PLCB1: variants seen among roughly 807,000 people sequenced by gnomAD.
PLCB1 encodes 1-phosphatidylinositol 4,5-bisphosphate phosphodiesterase beta-1.
In PLCB1, 46 loss-of-function variants were observed where a neutral mutation model predicts 161.8. The observed-to-expected ratio is 0.28, with a 90% CI of 0.22 to 0.36. PLCB1 has a LOEUF of 0.36. Ranked by LOEUF, PLCB1 falls within the 10% of genes least tolerant of loss-of-function variation. The probability of loss-of-function intolerance (pLI) is 1.00; values close to 1 mark genes in which losing one functional copy is unlikely to be tolerated. For missense variants in PLCB1, 1,016 were observed against 1,472.5 expected (o/e 0.69, Z 5.07); for synonymous variants, 517 against 503.7 (o/e 1.03, Z -0.35).
intron 3 of PLCB1, among the ~76,000 whole-genome samples, chr20:8,407,297 C>A (rs1461998412): frequency 2.0e-5 from 3 of 152,002 alleles, no homozygotes; most frequent in Admixed American, 6.6e-5. Flanking sequence ...CGAGTATCTT[C>A]CAAAGAGTAC....
chr20:8,228,510 G>A (rs939718863), intron 2 of PLCB1, among the ~76,000 whole-genome samples: 1 of 151,888 alleles, frequency 6.6e-6, no homozygotes, highest in Non-Finnish European at 1.5e-5. Context: ...TCTGGTTTCT[G>A]TTTTGTTTCG....
intron 10 of PLCB1, among the ~76,000 whole-genome samples, chr20:8,693,203 T>A (rs1378817514): frequency 6.6e-6 from 1 of 152,098 alleles, no homozygotes; most frequent in Non-Finnish European, 1.5e-5. Context: ...ACAGAAAATG[T>A]TTTGGGGAAT....
At chr20:8,537,758 C>T (rs1008823222) in intron 3 of PLCB1, among the ~76,000 whole-genome samples, 5 of 152,152 alleles carry the variant, frequency 3.3e-5, no homozygotes, top group Admixed American at 6.5e-5. Flanking sequence ...TAATTTTCTA[C>T]GGAAATCTAT....
chr20:8,302,575 C>T (rs995321347), intron 2 of PLCB1, among the ~76,000 whole-genome samples: 6 of 152,200 alleles, frequency 3.9e-5, no homozygotes, highest in African/African-American at 1.4e-4. Context: ...AATTTGATAG[C>T]AATGCATTGA....
intron 3 of PLCB1, among the ~76,000 whole-genome samples, chr20:8,389,560 G>A (rs1245820021): frequency 6.6e-6 from 1 of 152,124 alleles, no homozygotes; most frequent in East Asian, 1.9e-4. Flanking sequence ...TTTTATCATT[G>A]CCCCTGTCTG....
chr20:8,132,570 G>A lies in PLCB1; in HGVS notation c.-82G>A, dbSNP rs2122991459. On this transcript the variant is annotated 5_prime_UTR_variant, in exon 1 of 32. Transcript: ENST00000338037. This position sits in a 1 kb window ranked among gnomAD's most constrained non-coding sequence, Gnocchi z 5.2. ...GCCTCCGGAGCAGAGAAAGGAGCCC[G>A]CGCCCCGCGCCCCGCGCCCCGCGCA... 1.2e-5 allele frequency: 10 copies of A among 832,296 alleles called. No homozygotes were observed. In the South Asian group the frequency reaches 2.1e-4, roughly 17 times the overall value. 51.6% of individuals were successfully genotyped at this position (832,296 alleles called of 1,614,324 possible). A position where few individuals can be genotyped will look rare whatever the true frequency, so the allele number is the denominator to read the frequency against.
chr20:8,176,484 C>T (rs572671550), intron 2 of PLCB1, among the ~76,000 whole-genome samples: 5 of 152,204 alleles, frequency 3.3e-5, no homozygotes, highest in Admixed American at 1.3e-4. Context: ...TAGGCACAGG[C>T]GTAGGCAGGG....
At chr20:8,158,445 A>G (rs2051585430) in intron 2 of PLCB1, among the ~76,000 whole-genome samples, 1 of 152,164 alleles carries the variant, frequency 6.6e-6, no homozygotes, top group African/African-American at 2.4e-5. Flanking sequence ...CCCACAACAT[A>G]CGGGAAATCA....
chr20:8,494,982 C>A (rs1422614175), intron 3 of PLCB1, among the ~76,000 whole-genome samples: 1 of 151,978 alleles, frequency 6.6e-6, no homozygotes, highest in Non-Finnish European at 1.5e-5. Context: ...CCCTTTTCCC[C>A]TTTTCTTTCT....
chr20:8,834,040 AG>A (rs1287370465), intron 31 of PLCB1, among the ~76,000 whole-genome samples: 1 of 152,168 alleles, frequency 6.6e-6, no homozygotes, highest in African/African-American at 2.4e-5. Context: ...TTTCTTTTCA[AG>A]TTCATTCATT....
At chr20:8,445,639 G>C (rs1418756776) in intron 3 of PLCB1, among the ~76,000 whole-genome samples, 12 of 152,166 alleles carry the variant, frequency 7.9e-5, no homozygotes, top group Non-Finnish European at 1.6e-4. Flanking sequence ...ACCTTGAGCA[G>C]TATGGCCATT....
chr20:8,236,195 C>A (rs1980311136), intron 2 of PLCB1, among the ~76,000 whole-genome samples: 1 of 152,012 alleles, frequency 6.6e-6, no homozygotes, highest in Middle Eastern at 3.2e-3. Context: ...GAAATCAATT[C>A]ATCAGTAAAA....
intron 3 of PLCB1, among the ~76,000 whole-genome samples, chr20:8,563,756 G>C (rs1156553402): frequency 2.0e-5 from 3 of 152,004 alleles, no homozygotes; most frequent in Non-Finnish European, 4.4e-5. Flanking sequence ...TTGCTAAAAA[G>C]AGAATAAAAT....
chr20:8,218,899 T>G (rs146992930), intron 2 of PLCB1, among the ~76,000 whole-genome samples: 38 of 152,258 alleles, frequency 2.5e-4, no homozygotes, highest in Admixed American at 1.0e-3. Flanking sequence ...TAATTCCACC[T>G]TATATGTAGG....
At chr20:8,202,400 T>A (rs942052878) in intron 2 of PLCB1, among the ~76,000 whole-genome samples, 2 of 152,224 alleles carry the variant, frequency 1.3e-5, no homozygotes, top group South Asian at 4.1e-4. Flanking sequence ...ACAGCATTTA[T>A]TTCTTGGCTT....
In PLCB1 at chr20:8,697,368, T is replaced by C. The variant is rs1990605994; in HGVS notation, c.1010-258T>C. On this transcript the variant is annotated intron_variant, in intron 10 of 31. Transcript: ENST00000338037. ...TATATACAGTCCAAAAACCTGTAAT[T>C]GGCACATGGTAAATAGTTAATAAAC... 2.0e-5 allele frequency among the ~76,000 whole-genome samples: 3 copies of C among 152,232 alleles called. No individual in the cohort carries two copies. In the South Asian group the frequency reaches 6.2e-4, roughly 31 times the overall value.
chr20:8,684,140 T>G (rs573869892), intron 9 of PLCB1, among the ~76,000 whole-genome samples: 1 of 152,098 alleles, frequency 6.6e-6, no homozygotes, highest in South Asian at 2.1e-4. Flanking sequence ...CACCTTGGCC[T>G]CCCAAAGTGC....
chr20:8,536,308 G>T (rs1985048368), intron 3 of PLCB1, among the ~76,000 whole-genome samples: 1 of 152,126 alleles, frequency 6.6e-6, no homozygotes, highest in South Asian at 2.1e-4. Context: ...ACCATGTTAG[G>T]CGCCGGATGA....
chr20:8,584,473 C>CACACACAG (rs1555774014), intron 3 of PLCB1, among the ~76,000 whole-genome samples: 1 of 134,998 alleles, frequency 7.4e-6, no homozygotes, highest in Non-Finnish European at 1.5e-5. Context: ...CACACACATA[C>CACACACAG]ACACACACAG....
Sources: allele counts gnomAD v4.1 joint callset (sites outside exome capture counted in the v4.1 genomes callset), GRCh38; gene constraint gnomAD v4.1.1; non-coding constraint Gnocchi (gnomAD v3.1); transcripts MANE v1.5; gene names NCBI Gene and HGNC (gene_info 2026-07-23, HGNC 2026-07-21).